Variants in ZNF473 observed in about 807,000 individuals in gnomAD.
ZNF473 encodes zinc finger protein 473.
Under a neutral mutation model 11.1 loss-of-function variants are expected in ZNF473, and 4 were observed. The observed-to-expected ratio is 0.36, with a 90% confidence interval of 0.18 to 0.82. The LOEUF is 0.82. Ranked by LOEUF, ZNF473 falls within the 40% of genes least tolerant of loss-of-function variation. The pLI, the probability that ZNF473 is intolerant of heterozygous loss-of-function variation, is 0.49. For synonymous variants in ZNF473, 404 were observed against 390.4 expected (o/e 1.03, Z -0.41); for missense variants, 854 against 1,084.0 (o/e 0.79, Z 2.98).
At chr19:50,026,301 G>A (rs189666655) in intron 1 of ZNF473, 179 bp downstream of exon 1, 1 of 152,420 alleles carries the variant, frequency 6.6e-6, no homozygotes. Context: ...GGGCACGGTA[G>A]ATCACGCCTG....
intron 2 of ZNF473, 42 bp downstream of exon 2, chr19:50,031,133 G>C: frequency 6.4e-7 from 1 of 1,559,106 alleles, no homozygotes; most frequent in Non-Finnish European, 8.7e-7. Context: ...CACACCCAAA[G>C]GCAGAAAAAT....
chr19:50,039,046 T>G lies in ZNF473; in HGVS notation c.10-115T>G. The stretch of plus-strand genomic sequence containing the variant: ...CTCAAGATTCTTGTGAGGCTGAGGA[T>G]GGGATGGTTTTTGCCAAAGCCCTGG... On this transcript the variant is annotated intron_variant, in intron 2 of 4. Transcript: ENST00000270617. This position sits in a 1 kb window ranked among gnomAD's most constrained non-coding sequence, Gnocchi z 4.8. The G allele has an allele frequency of 1.5e-6, 2 of 1,315,698 alleles. No individual in the cohort carries two copies. The highest frequency in any genetic ancestry group is 1.1e-6 in the Non-Finnish European group (1 of 936,952). The allele number at this position is 1,315,698 out of a possible 1,614,324, so 81.5% of individuals were successfully genotyped here.
In ZNF473 at chr19:50,046,822, A is replaced by G. The variant is rs1481370521; in HGVS notation, c.2379A>G (p.Lys793=). Reference sequence around the variant, plus strand: ...CCTACAGATGTGGTGAATGTGGGAAAGCCTTTGCCCAGAAAGCAAATCTAA... The same window carrying G: ...CCTACAGATGTGGTGAATGTGGGAAGGCCTTTGCCCAGAAAGCAAATCTAA... ...EKPYRCGECG[K]AFAQKANLTQ... is the part of the protein sequence containing the mutation. The change falls in exon 5 of 5, where the codon AAA becomes AAG. Residue 793 remains lysine (K), a synonymous_variant. Coordinates refer to ENST00000270617, the MANE Select transcript of ZNF473 (RefSeq NM_015428.4). This position sits in a 1 kb window ranked among gnomAD's most constrained non-coding sequence, Gnocchi z 5.9. 3 of 1,614,124 alleles carry G rather than the reference A, an allele frequency of 1.9e-6. No homozygotes were observed. The highest frequency in any genetic ancestry group is 1.7e-5 in the Admixed American group (1 of 60,010).
Position 50,046,590 on chromosome 19 carries a change from G to A in ZNF473, c.2147G>A (p.Cys716Tyr), listed in dbSNP as rs1568412266. Residue 716 changes from cysteine to tyrosine, a missense_variant, in exon 5 of 5, where the codon TGC (cysteine) becomes TAC (tyrosine). Physicochemically the swap from Cys to Tyr is radical, Grantham distance 194. Transcript: ENST00000270617. The surrounding 1 kb of genome is among the most constrained non-coding windows in gnomAD (Gnocchi z 5.9). ...GGGAAAACGTTCCGTCAGAGCTCAT[G>A]CCTTTCTAAGCATCAGAGAATTCAC... ...ECGKTFRQSS[C>Y]LSKHQRIHSG... 2 of 1,614,246 alleles carry A rather than the reference G, an allele frequency of 1.2e-6. No homozygotes were observed. The highest frequency in any genetic ancestry group is 1.7e-6 in the Non-Finnish European group (2 of 1,180,048).
At chr19:50,037,823 G>T (rs192356382) in intron 2 of ZNF473, among the ~76,000 whole-genome samples, 1 of 146,278 alleles carries the variant, frequency 6.8e-6, no homozygotes, top group Non-Finnish European at 1.5e-5. Context: ...TCTCTCGCTC[G>T]CTCTCTCTCT....
At chr19:50,035,452 CGTGT>C (rs3222106) in intron 2 of ZNF473, among the ~76,000 whole-genome samples, 242 of 138,480 alleles carry the variant, frequency 1.7e-3, no homozygotes, top group Middle Eastern at 3.5e-3. Context: ...TTCTTTCATA[CGTGT>C]GTGTGTGTGT....
chr19:50,046,683 G>A lies in ZNF473; in HGVS notation c.2240G>A (p.Arg747His), dbSNP rs1261752426. Residue 747 changes from arginine to histidine, a missense_variant, in exon 5 of 5, where the codon CGC becomes CAC. Physicochemically the swap from Arg to His is conservative, Grantham distance 29. This residue lies in a region of ZNF473 where 186 missense variants were observed against 293.8 expected (regional missense o/e 0.63). Transcript: ENST00000270617. This position sits in a 1 kb window ranked among gnomAD's most constrained non-coding sequence, Gnocchi z 5.9. The stretch of plus-strand genomic sequence containing the variant: ...TTCGGCCTGAGTGCTGAGCTTGTCC[G>A]CCACCAGAGAATTCACACTGGAGAA... ...KAFGLSAELV[R>H]HQRIHTGEKP... 3 of 1,613,950 alleles carry A rather than the reference G, an allele frequency of 1.9e-6. No individual in the cohort carries two copies. Among genetic ancestry groups the A allele is most frequent in the African/African-American group, 1.3e-5 (1 of 74,900 alleles).
Position 50,047,004 on chromosome 19 carries a change from A to G in ZNF473, c.2561A>G (p.His854Arg). The G allele has an allele frequency of 6.2e-7, 1 of 1,613,754 alleles. No individual in the cohort carries two copies. The highest frequency in any genetic ancestry group is 8.5e-7 in the Non-Finnish European group (1 of 1,179,996). ...CGTTGCCAGAAAGCCTTTCGGTGCC[A>G]CTCGAGCCTCAGCCGCCATCAGCGT... ...CQRCQKAFRC[H>R]SSLSRHQRVH... The change falls in exon 5 of 5, where the codon CAC (histidine) becomes CGC (arginine). Residue 854 changes from histidine (H) to arginine (R), a missense_variant. This residue lies in a region of ZNF473 where 186 missense variants were observed against 293.8 expected (regional missense o/e 0.63). Transcript: ENST00000270617.
chr19:50,030,668 C>T (rs537411039), intron 1 of ZNF473, among the ~76,000 whole-genome samples: 7 of 152,348 alleles, frequency 4.6e-5, no homozygotes, highest in African/African-American at 9.6e-5. Context: ...GCACCTACTG[C>T]GTACTAGGCA....
At chr19:50,030,799 T>C (rs2077313611) in intron 1 of ZNF473, 93 bp from the exon 2 acceptor site, 1 of 521,400 alleles carries the variant, frequency 1.9e-6, no homozygotes, top group African/African-American at 1.9e-5. Flanking sequence ...CCCACCATTG[T>C]TGGTGGCGAA....
Position 50,030,912 on chromosome 19 carries a change from G to GTCCTCC in ZNF473, c.-163_-158dup, listed in dbSNP as rs1373470572. On this transcript the variant is annotated 5_prime_UTR_variant, in exon 2 of 5. Coordinates refer to ENST00000270617, the MANE Select transcript of ZNF473 (RefSeq NM_015428.4). ...TGCAGGGAGACTCACATTGGGACTTGTCCTCCTCCTCCTGGACATTTTGGG... is the reference window on the plus strand; with the variant it reads ...TGCAGGGAGACTCACATTGGGACTTGTCCTCCTCCTCCTCCTCCTGGACATTTTGGG... 18 of 887,456 alleles carry GTCCTCC rather than the reference G, an allele frequency of 2.0e-5. No homozygotes were observed. The highest frequency in any genetic ancestry group is 3.2e-5 in the Non-Finnish European group (18 of 559,588). 55.0% of individuals were successfully genotyped at this position (887,456 alleles called of 1,614,324 possible). A position where few individuals can be genotyped will look rare whatever the true frequency, so the allele number is the denominator to read the frequency against.
At chr19:50,042,385 A>C (rs1978824259) in intron 4 of ZNF473, 1 of 152,224 alleles carries the variant, frequency 6.6e-6, no homozygotes, top group African/African-American at 2.4e-5. Flanking sequence ...CGTCCCCAGC[A>C]TGAGAAGCAG....
Position 50,045,327 on chromosome 19 carries a change from A to G in ZNF473, c.884A>G (p.Gln295Arg), listed in dbSNP as rs2122856777. 6 of 1,614,216 alleles carry G rather than the reference A, an allele frequency of 3.7e-6. No homozygotes were observed. The highest frequency in any genetic ancestry group is 5.1e-6 in the Non-Finnish European group (6 of 1,180,042). ...THTGEKPCKS[Q>R]DSDHPPSHDT... ...ACTGGAGAAAAACCATGTAAGAGTC[A>G]AGATAGTGACCACCCACCCAGTCAT... The change falls in exon 5 of 5, where the codon CAA becomes CGA. Residue 295 changes from glutamine to arginine, a missense_variant. Gln to Arg is a conservative substitution (Grantham distance 43). Transcript: ENST00000270617.
intron 4 of ZNF473, chr19:50,042,653 T>G (rs1290530929): frequency 6.6e-6 from 1 of 152,228 alleles, no homozygotes; most frequent in Non-Finnish European, 1.5e-5. Context: ...TACCTCCATA[T>G]CCTCTAGTAG....
intron 2 of ZNF473, among the ~76,000 whole-genome samples, chr19:50,035,788 C>T (rs755585751): frequency 1.6e-4 from 25 of 152,176 alleles, no homozygotes; most frequent in Middle Eastern, 3.4e-3. Flanking sequence ...GAGAGGTGGA[C>T]TAACAAGGTC....
rs1202844994 is a variant in ZNF473 at position 50,046,349 on chromosome 19, CTT to C, written c.1907_1908del (p.Leu636ProfsTer11). ...KAISSASLIK[L>X]QSFHTKEHPF... ...CATCAGCAGTGCCTCCCTTATCAAA[CTT>C]CAGTCCTTCCACACAAAGGAGCACC... is the stretch of plus-strand genomic sequence containing the variant. On this transcript the variant is annotated frameshift_variant, in exon 5 of 5. Coordinates refer to ENST00000270617, the MANE Select transcript of ZNF473 (RefSeq NM_015428.4). LOFTEE classifies it low-confidence loss of function (END_TRUNC). The surrounding 1 kb of genome is among the most constrained non-coding windows in gnomAD (Gnocchi z 5.9). 6.2e-7 allele frequency: 1 copy of C among 1,614,096 alleles called. No homozygotes were observed. Among genetic ancestry groups the C allele is most frequent in the African/African-American group, 1.3e-5 (1 of 74,922 alleles).
chr19:50,046,817 G>A lies in ZNF473; in HGVS notation c.2374G>A (p.Gly792Arg). The change falls in exon 5 of 5, where the codon GGG (glycine) becomes AGG (arginine). Residue 792 changes from glycine (G) to arginine (R), a missense_variant. Physicochemically the swap from Gly to Arg is moderately radical, Grantham distance 125. Around this residue, in one of 2 missense-constraint regions of ZNF473, gnomAD observed 186 missense variants for 293.8 expected, o/e 0.63. Transcript: ENST00000270617. The surrounding 1 kb of genome is among the most constrained non-coding windows in gnomAD (Gnocchi z 5.9). ...GEKPYRCGECGKAFAQKANLT... is the reference protein window; with the variant it reads ...GEKPYRCGECRKAFAQKANLT... ...GAAGCCCTACAGATGTGGTGAATGT[G>A]GGAAAGCCTTTGCCCAGAAAGCAAA... is the stretch of plus-strand genomic sequence containing the variant. The A allele has an allele frequency of 6.2e-7, 1 of 1,614,216 alleles. No individual in the cohort carries two copies. The highest frequency in any genetic ancestry group is 2.2e-5 in the East Asian group (1 of 44,892).
intron 2 of ZNF473, among the ~76,000 whole-genome samples, chr19:50,035,986 G>A (rs1978411866): frequency 6.6e-6 from 1 of 151,882 alleles, no homozygotes; most frequent in Non-Finnish European, 1.5e-5. Context: ...TTTTGAGAGG[G>A]AGACTCTGTT....
At position 50,027,167 on chromosome 19, in the gene ZNF473, A is replaced by AC. The variant is rs750795515; in HGVS notation, c.-192+1052dup. 7.9e-5 allele frequency among the ~76,000 whole-genome samples: 12 copies of AC among 151,884 alleles called. No individual in the cohort carries two copies. In the South Asian group the frequency reaches 8.3e-4, roughly 11 times the overall value. On this transcript the variant is annotated intron_variant, in intron 1 of 4. Coordinates refer to ENST00000270617, the MANE Select transcript of ZNF473 (RefSeq NM_015428.4). ...GGTGCATATTTTATAATTAGGCAGC[A>AC]CCCCCCCACACCCCGAGGAATCTGG...
Sources: allele counts gnomAD v4.1 joint callset (sites outside exome capture counted in the v4.1 genomes callset), GRCh38; gene constraint gnomAD v4.1.1; regional missense constraint gnomAD v4.1.1; non-coding constraint Gnocchi (gnomAD v3.1); transcripts MANE v1.5; gene names NCBI Gene and HGNC (gene_info 2026-07-23, HGNC 2026-07-21).